The following WASHC5 variants were observed in gnomAD, a reference collection of about 807,000 sequenced individuals.
The protein encoded by WASHC5 is WASH complex subunit 5.
WASHC5 carries 101 observed loss-of-function variants against 150.4 expected under a neutral mutation model. That is an observed-to-expected ratio of 0.67 (90% confidence interval 0.57 to 0.79). WASHC5 has a LOEUF of 0.79. WASHC5 is among the 30% of genes least tolerant of loss of function. WASHC5 has a pLI of 0.00. For missense variants in WASHC5, 1,195 were observed against 1,396.3 expected, an observed-to-expected ratio of 0.86 and a Z score of 2.30; for synonymous variants, 467 against 491.2, an observed-to-expected ratio of 0.95 and a Z score of 0.65.
intron 17 of WASHC5, among the ~76,000 whole-genome samples, chr8:125,052,770 C>G (rs992540485): frequency 3.9e-5 from 6 of 152,090 alleles, no homozygotes; most frequent in African/African-American, 1.4e-4. Flanking sequence ...TAACCATTCC[C>G]CTACTGATGA....
At position 125,082,385 on chromosome 8, in the gene WASHC5, G is replaced by C. The variant is rs1817289992; in HGVS notation, c.415C>G (p.Leu139Val). The change falls in exon 4 of 29, where the codon CTA becomes GTA. Residue 139 changes from leucine to valine, a missense_variant and splice_region_variant. By Grantham distance (32) the Leu-to-Val change is conservative. This residue lies in a region of WASHC5 where 195 missense variants were observed against 206.9 expected (regional missense o/e 0.94). Transcript: ENST00000318410. Reference sequence around the variant, plus strand: ...TTTAAATAATCATTATTACTTACTAGAAGTTGTTTTCCATCTTCATTGAGA... The same window carrying C: ...TTTAAATAATCATTATTACTTACTACAAGTTGTTTTCCATCTTCATTGAGA... ...VLLNEDGKQL[L>V]CEALYLYGVM... 6.7e-7 allele frequency: 1 copy of C among 1,497,556 alleles called. No homozygotes were observed. The highest frequency in any genetic ancestry group is 9.3e-7 in the Non-Finnish European group (1 of 1,074,812). 92.8% of individuals were successfully genotyped at this position (1,497,556 alleles called of 1,614,324 possible).
In WASHC5 at chr8:125,059,413, C is replaced by T. The variant is rs374338104; in HGVS notation, c.1651G>A (p.Val551Ile). The T allele has an allele frequency of 1.7e-5, 28 of 1,614,030 alleles. No individual in the cohort carries two copies. Among genetic ancestry groups the T allele is most frequent in the Middle Eastern group, 1.6e-4 (1 of 6,084 alleles). The change falls in exon 13 of 29, where the codon GTT becomes ATT. Residue 551 changes from valine to isoleucine, a missense_variant. This residue lies in a region of WASHC5 where 997 missense variants were observed against 1,168.1 expected (regional missense o/e 0.85). Coordinates refer to ENST00000318410, the MANE Select transcript of WASHC5 (RefSeq NM_014846.4). ...KEEVLITMQIVGDLSFAWQLI... is the reference protein window; with the variant it reads ...KEEVLITMQIIGDLSFAWQLI... ...TGCCAAGCGAAAGAAAGGTCCCCAA[C>T]GATCTGCATTGTGATCAGAACCTCC...
At chr8:125,051,157 T>C (rs1188251196) in intron 17 of WASHC5, among the ~76,000 whole-genome samples, 2 of 152,224 alleles carry the variant, frequency 1.3e-5, no homozygotes, top group Non-Finnish European at 2.9e-5. Flanking sequence ...TGAATAATTA[T>C]CTTTTCTTTC....
chr8:125,043,844 T>C lies in WASHC5; in HGVS notation c.2831A>G (p.Tyr944Cys), dbSNP rs1418805891. Residue 944 changes from tyrosine to cysteine, a missense_variant, in exon 23 of 29, where the codon TAT becomes TGT. Tyr to Cys is a radical substitution (Grantham distance 194). Coordinates refer to ENST00000318410, the MANE Select transcript of WASHC5 (RefSeq NM_014846.4). Reference protein sequence around the residue: ...IAKTQKIWTAYLEAIMKVGQM... With the variant: ...IAKTQKIWTACLEAIMKVGQM... ...ACATACCTTCATTATAGCCTCGAGATACGCAGTCCAAATCTTCTGTGTTTT... is the reference window on the plus strand; with the variant it reads ...ACATACCTTCATTATAGCCTCGAGACACGCAGTCCAAATCTTCTGTGTTTT... The C allele has an allele frequency of 1.2e-6, 2 of 1,610,042 alleles. No homozygotes were observed. The highest frequency in any genetic ancestry group is 1.1e-5 in the South Asian group (1 of 91,000).
At chr8:125,075,766 G>A (rs1256351862) in intron 7 of WASHC5, among the ~76,000 whole-genome samples, 7 of 152,106 alleles carry the variant, frequency 4.6e-5, no homozygotes, top group South Asian at 4.1e-4. Context: ...TGCTACATGC[G>A]AATATAATCC....
chr8:125,038,910 A>T lies in WASHC5; in HGVS notation c.3004T>A (p.Tyr1002Asn), dbSNP rs746633398. The T allele has an allele frequency of 5.9e-5, 96 of 1,613,906 alleles. No homozygotes were observed. The highest frequency in any genetic ancestry group is 7.8e-5 in the Non-Finnish European group (92 of 1,179,870). ...AAAAGTGTGTTATCTTCTTTGGGGT[A>T]AGGAAGTGAAGGGTCCTGATAGTGG... ...EAHYQDPSLPYPKEDNTLLYE... is the reference protein window; with the variant it reads ...EAHYQDPSLPNPKEDNTLLYE... Residue 1002 changes from tyrosine (Y) to asparagine (N), a missense_variant, in exon 25 of 29, where the codon TAC becomes AAC. Around this residue, in one of 3 missense-constraint regions of WASHC5, gnomAD observed 997 missense variants for 1,168.1 expected, o/e 0.85. Transcript: ENST00000318410.
At chr8:125,091,302 C>T (rs1324829507) in intron 1 of WASHC5, among the ~76,000 whole-genome samples, 1 of 152,134 alleles carries the variant, frequency 6.6e-6, no homozygotes, top group Non-Finnish European at 1.5e-5. Context: ...TTTCAGTTTT[C>T]TCAAAAGCAA....
intron 28 of WASHC5, among the ~76,000 whole-genome samples, chr8:125,027,653 A>G (rs1163997453): frequency 6.6e-6 from 1 of 152,186 alleles, no homozygotes; most frequent in Non-Finnish European, 1.5e-5. Context: ...AAAATACTAC[A>G]AATATGGTGC....
chr8:125,031,120 G>A (rs961374043), intron 27 of WASHC5, among the ~76,000 whole-genome samples: 3 of 152,144 alleles, frequency 2.0e-5, no homozygotes, highest in Admixed American at 6.5e-5. Flanking sequence ...AAGCCCCCTC[G>A]GTGAGAGTGT....
chr8:125,033,618 G>A (rs1045000861), intron 26 of WASHC5, among the ~76,000 whole-genome samples: 3 of 151,272 alleles, frequency 2.0e-5, no homozygotes, highest in East Asian at 1.9e-4. Flanking sequence ...GCACAATCTC[G>A]GCTCACTGCA....
rs775889583 is a variant in WASHC5 at position 125,050,594 on chromosome 8, A to G, written c.2169T>C (p.His723=). The G allele has an allele frequency of 8.1e-6, 13 of 1,613,970 alleles. No individual in the cohort carries two copies. Among genetic ancestry groups the G allele is most frequent in the East Asian group, 6.7e-5 (3 of 44,888 alleles). The change falls in exon 18 of 29, where the codon CAT becomes CAC. Residue 723 remains histidine, a synonymous_variant. Transcript: ENST00000318410. ...ELVKRVAFAL[H]RGLIFNPRAK... ...CTCGAGGGTTGAATATCAGTCCCCT[A>G]TGCAGGGCAAAGGCAACGCGCTTCA...
chr8:125,024,737 C>T (rs531879765), intron 28 of WASHC5, 64 bp from the exon 29 acceptor site: 27 of 1,121,442 alleles, frequency 2.4e-5, no homozygotes, highest in African/African-American at 1.4e-4. Flanking sequence ...AATTTTCATA[C>T]GTAAAAGAAA....
chr8:125,037,710 AAGAG>A (rs766719769), intron 25 of WASHC5, among the ~76,000 whole-genome samples: 3 of 151,636 alleles, frequency 2.0e-5, no homozygotes, highest in Non-Finnish European at 4.4e-5. Flanking sequence ...TGGGAGAGAG[AAGAG>A]AGAGAGAGGG....
intron 23 of WASHC5, among the ~76,000 whole-genome samples, chr8:125,042,934 G>A (rs1004316645): frequency 2.6e-5 from 4 of 152,186 alleles, no homozygotes; most frequent in African/African-American, 9.7e-5. Context: ...ACCAATGAGT[G>A]CTGTCTCAAT....
intron 1 of WASHC5, among the ~76,000 whole-genome samples, chr8:125,090,149 C>T (rs902172257): frequency 1.3e-5 from 2 of 152,186 alleles, no homozygotes; most frequent in Non-Finnish European, 2.9e-5. Flanking sequence ...TGTACTAGAC[C>T]TCCTAACCCG....
intron 10 of WASHC5, among the ~76,000 whole-genome samples, chr8:125,065,960 G>A (rs1330602436): frequency 6.6e-6 from 1 of 152,100 alleles, no homozygotes; most frequent in Non-Finnish European, 1.5e-5. Context: ...GCCTTTGAAA[G>A]GCCACTTTTG....
intron 6 of WASHC5, among the ~76,000 whole-genome samples, chr8:125,076,719 A>G (rs960347726): frequency 1.4e-5 from 2 of 143,884 alleles, no homozygotes; most frequent in African/African-American, 5.4e-5. Flanking sequence ...CCAGCCCTTG[A>G]CCGCTGCAAT....
chr8:125,059,598 A>AT, intron 12 of WASHC5, 56 bp from the exon 13 acceptor site: 2 of 1,359,806 alleles, frequency 1.5e-6, no homozygotes, highest in Middle Eastern at 2.1e-4. Context: ...TATGGTGCTC[A>AT]TTTGTTCTTG....
chr8:125,055,447 A>G (rs150088624), intron 17 of WASHC5, 144 bp downstream of exon 17: 153 of 704,262 alleles, frequency 2.2e-4, no homozygotes, highest in Non-Finnish European at 1.1e-4. Context: ...ACTAAAATAA[A>G]ATAAATGAGT....
Sources: gnomAD v4.1 joint callset for allele counts (sites outside exome capture counted in the v4.1 genomes callset) on GRCh38, gnomAD v4.1.1 for gene constraint, gnomAD v4.1.1 regional missense constraint, MANE v1.5 for transcripts, NCBI Gene and HGNC (gene_info 2026-07-23, HGNC 2026-07-21) for gene names.